Variants in MCC observed in about 807,000 individuals in gnomAD.
MCC encodes the protein MCC regulator of Wnt signaling pathway, also known as colorectal mutant cancer protein.
In MCC, 90 loss-of-function variants were observed where a neutral mutation model predicts 116.2. The observed-to-expected ratio is 0.77, with a 90% confidence interval of 0.65 to 0.92. The LOEUF (loss-of-function observed/expected upper bound fraction) is 0.92, where lower values mean the gene tolerates loss of function less well. Ranked by LOEUF, MCC falls within the 40% of genes least tolerant of loss-of-function variation. The pLI, the probability that MCC is intolerant of heterozygous loss-of-function variation, is 0.00. For missense variants in MCC, 1,516 were observed against 1,312.2 expected (o/e 1.16, Z -2.40); for synonymous variants, 578 against 510.5 (o/e 1.13, Z -1.78).
intron 6 of MCC, among the ~76,000 whole-genome samples, chr5:113,111,927 C>A (rs1486727097): frequency 6.6e-6 from 1 of 152,198 alleles, no homozygotes; most frequent in Non-Finnish European, 1.5e-5. Flanking sequence ...CCAGAGCTGA[C>A]ACCATTAACT....
At chr5:113,132,427 CATATATAT>C (rs1162820789) in intron 5 of MCC, among the ~76,000 whole-genome samples, 2 of 107,286 alleles carry the variant, frequency 1.9e-5, no homozygotes, top group African/African-American at 4.2e-5. Context: ...TACACACATA[CATATATAT>C]ATATATATAC....
chr5:113,449,867 G>T (rs991058133), intron 1 of MCC, among the ~76,000 whole-genome samples: 4 of 152,188 alleles, frequency 2.6e-5, no homozygotes, highest in African/African-American at 9.6e-5. Flanking sequence ...TGTATTGCCA[G>T]ATCAGAAACT....
intron 3 of MCC, among the ~76,000 whole-genome samples, chr5:113,290,711 A>G (rs1016291771): frequency 6.6e-6 from 1 of 152,230 alleles, no homozygotes; most frequent in African/African-American, 2.4e-5. Flanking sequence ...AGAATATGCC[A>G]GAGCTGTCCC....
intron 1 of MCC, among the ~76,000 whole-genome samples, chr5:113,397,445 A>T (rs1330138004): frequency 6.6e-6 from 1 of 152,228 alleles, no homozygotes; most frequent in African/African-American, 2.4e-5. Flanking sequence ...CTTGAAAAAA[A>T]TACAGAAAAA....
chr5:113,411,229 T>A (rs1208773078), intron 1 of MCC, among the ~76,000 whole-genome samples: 3 of 151,958 alleles, frequency 2.0e-5, no homozygotes, highest in African/African-American at 7.3e-5. Context: ...ACCAACAGAG[T>A]AAAAATGTTT....
At chr5:113,181,496 C>T (rs1333857800) in intron 3 of MCC, among the ~76,000 whole-genome samples, 1 of 152,132 alleles carries the variant, frequency 6.6e-6, no homozygotes, top group African/African-American at 2.4e-5. Context: ...AAGTACCTTG[C>T]CATCTATAAC....
chr5:113,053,111 T>A (rs1365692211), intron 15 of MCC, among the ~76,000 whole-genome samples: 1 of 152,144 alleles, frequency 6.6e-6, no homozygotes, highest in East Asian at 1.9e-4. Flanking sequence ...TACTTCCCAG[T>A]AGGGGACACC....
chr5:113,067,939 T>G (rs924371092), intron 13 of MCC, 141 bp downstream of exon 13: 1 of 676,150 alleles, frequency 1.5e-6, no homozygotes, highest in African/African-American at 1.8e-5. Context: ...ACCCATTCAG[T>G]CATGAGGAAA....
At chr5:113,063,571 G>T (rs1753368904) in intron 14 of MCC, among the ~76,000 whole-genome samples, 1 of 152,244 alleles carries the variant, frequency 6.6e-6, no homozygotes, top group Non-Finnish European at 1.5e-5. Flanking sequence ...TCTGGAACTA[G>T]GATGAGCTGG....
intron 10 of MCC, 95 bp downstream of exon 10, chr5:113,084,006 G>A: frequency 1.1e-6 from 1 of 912,788 alleles, no homozygotes; most frequent in Non-Finnish European, 1.8e-6. Flanking sequence ...CTGGTTTATT[G>A]GAGATAGACT....
chr5:113,245,641 C>T (rs894912915), intron 3 of MCC, among the ~76,000 whole-genome samples: 1 of 152,072 alleles, frequency 6.6e-6, no homozygotes, highest in Admixed American at 6.6e-5. Context: ...GTGCTACCAC[C>T]CTGTAACCTT....
chr5:113,377,872 C>G (rs1282269008), intron 2 of MCC, among the ~76,000 whole-genome samples: 3 of 152,052 alleles, frequency 2.0e-5, no homozygotes, highest in African/African-American at 7.3e-5. Flanking sequence ...ATTGTTTACC[C>G]TTTGACAGAG....
chr5:113,049,455 A>G (rs967854491), intron 15 of MCC, among the ~76,000 whole-genome samples, 156 bp from the exon 16 acceptor site: 4 of 152,210 alleles, frequency 2.6e-5, no homozygotes, highest in Non-Finnish European at 5.9e-5. Flanking sequence ...GTGGGAGGAG[A>G]CGTGGCACCT....
At chr5:113,291,761 T>C (rs1766503800) in intron 3 of MCC, among the ~76,000 whole-genome samples, 1 of 152,058 alleles carries the variant, frequency 6.6e-6, no homozygotes, top group African/African-American at 2.4e-5. Flanking sequence ...AAAACTAGTG[T>C]TTAAGAGAAA....
At chr5:113,183,008 A>C (rs1426720560) in intron 3 of MCC, among the ~76,000 whole-genome samples, 2 of 152,208 alleles carry the variant, frequency 1.3e-5, no homozygotes, top group Non-Finnish European at 2.9e-5. Context: ...TAAGTTTGGG[A>C]GAAGGATTTC....
chr5:113,423,669 G>C (rs886083782), intron 1 of MCC, among the ~76,000 whole-genome samples: 1 of 152,162 alleles, frequency 6.6e-6, no homozygotes, highest in Non-Finnish European at 1.5e-5. Context: ...AGAAATAGGA[G>C]AGCCAGTGAA....
chr5:113,303,675 T>C (rs996636498), intron 3 of MCC, among the ~76,000 whole-genome samples: 1 of 152,144 alleles, frequency 6.6e-6, no homozygotes, highest in African/African-American at 2.4e-5. Flanking sequence ...AACTTCTTTT[T>C]TTTGAGACAG....
At chr5:113,197,333 G>A (rs1376056046) in intron 3 of MCC, among the ~76,000 whole-genome samples, 1 of 152,158 alleles carries the variant, frequency 6.6e-6, no homozygotes. Flanking sequence ...GGCTAGGGGA[G>A]AGGATAGGTA....
At chr5:113,265,771 G>A in intron 3 of MCC, among the ~76,000 whole-genome samples, 1 of 151,952 alleles carries the variant, frequency 6.6e-6, no homozygotes, top group Non-Finnish European at 1.5e-5. Context: ...ACGTCACCAG[G>A]ATTTACACCT....
Sources: gnomAD v4.1 joint callset for allele counts (sites outside exome capture counted in the v4.1 genomes callset) on GRCh38, gnomAD v4.1.1 for gene constraint, MANE v1.5 for transcripts, NCBI Gene and HGNC (gene_info 2026-07-23, HGNC 2026-07-21) for gene names.